The following SYT1 variants were observed in gnomAD, a reference collection of about 807,000 sequenced individuals.
The protein encoded by SYT1 is synaptotagmin 1.
Under a neutral mutation model 44.8 loss-of-function variants are expected in SYT1, and 8 were observed. The observed-to-expected ratio is 0.18, with a 90% CI of 0.10 to 0.32. SYT1 has a LOEUF of 0.32. Among genes scored for constraint, SYT1 ranks in the 10% least tolerant of loss-of-function variants. The pLI, the probability that SYT1 is intolerant of heterozygous loss-of-function variation, is 1.00. For synonymous variants in SYT1, 154 were observed against 188.8 expected, an observed-to-expected ratio of 0.82 and a Z score of 1.51; for missense variants, 286 against 509.3, an observed-to-expected ratio of 0.56 and a Z score of 4.22.
intron 4 of SYT1, among the ~76,000 whole-genome samples, chr12:79,266,556 A>G (rs535094280): frequency 6.6e-6 from 1 of 152,312 alleles, no homozygotes; most frequent in African/African-American, 2.4e-5. Context: ...TATGATGGTA[A>G]AAGAAAAAAA....
At chr12:78,904,170 C>A (rs1247462527) in intron 1 of SYT1, among the ~76,000 whole-genome samples, 1 of 152,002 alleles carries the variant, frequency 6.6e-6, no homozygotes, top group Non-Finnish European at 1.5e-5. Context: ...AAACTGGAAA[C>A]ACTAGTGTGT....
At chr12:78,913,050 A>G (rs879053097) in intron 1 of SYT1, among the ~76,000 whole-genome samples, 2 of 151,916 alleles carry the variant, frequency 1.3e-5, no homozygotes, top group African/African-American at 4.8e-5. Flanking sequence ...TTACCTAAAT[A>G]GAACATTTCA....
chr12:79,311,148 G>C (rs1880763521), intron 8 of SYT1, among the ~76,000 whole-genome samples: 1 of 152,144 alleles, frequency 6.6e-6, no homozygotes, highest in Admixed American at 6.5e-5. Flanking sequence ...ATTGGCTGTG[G>C]GTTTGTCATA....
intron 1 of SYT1, among the ~76,000 whole-genome samples, chr12:78,921,414 T>C (rs1018020570): frequency 3.3e-5 from 5 of 152,012 alleles, no homozygotes; most frequent in African/African-American, 1.2e-4. Context: ...ATGCTAGTTA[T>C]TATTTTTAAA....
At chr12:79,364,501 G>A (rs971424918) in intron 9 of SYT1, among the ~76,000 whole-genome samples, 23 of 152,090 alleles carry the variant, frequency 1.5e-4, no homozygotes, top group African/African-American at 5.3e-4. Flanking sequence ...CCGGCTGACA[G>A]CCTTTTTAAA....
intron 4 of SYT1, among the ~76,000 whole-genome samples, chr12:79,253,477 T>C (rs1012425418): frequency 3.9e-5 from 5 of 127,002 alleles, no homozygotes; most frequent in Non-Finnish European, 6.6e-5. Flanking sequence ...CAAAAGCCAT[T>C]GCCCAGTCTC....
chr12:79,442,949 A>G (rs1432324678), intron 9 of SYT1, among the ~76,000 whole-genome samples: 1 of 152,206 alleles, frequency 6.6e-6, no homozygotes, highest in Non-Finnish European at 1.5e-5. Flanking sequence ...TATAATGAAC[A>G]TGCATTACAA....
chr12:79,210,612 C>T (rs1874382019), intron 3 of SYT1, among the ~76,000 whole-genome samples: 1 of 152,176 alleles, frequency 6.6e-6, no homozygotes. Context: ...TATTCCATTG[C>T]ATAAATATAC....
At chr12:79,181,720 C>A (rs1592830217) in intron 3 of SYT1, among the ~76,000 whole-genome samples, 1 of 152,060 alleles carries the variant, frequency 6.6e-6, no homozygotes, top group Non-Finnish European at 1.5e-5. Context: ...ACTCAGTACT[C>A]CTGCTGCTCC....
At chr12:79,228,418 T>G (rs2138606294) in intron 4 of SYT1, among the ~76,000 whole-genome samples, 1 of 152,316 alleles carries the variant, frequency 6.6e-6, no homozygotes, top group South Asian at 2.1e-4. Context: ...CGAGGGTTAT[T>G]ACAAATATTC....
chr12:79,052,676 C>A (rs1874599915), intron 3 of SYT1, among the ~76,000 whole-genome samples: 1 of 150,226 alleles, frequency 6.7e-6, no homozygotes, highest in African/African-American at 2.4e-5. Flanking sequence ...AACAAACAAC[C>A]CCATCAAAAA....
intron 3 of SYT1, among the ~76,000 whole-genome samples, chr12:79,155,871 C>A (rs1284823449): frequency 6.6e-6 from 1 of 152,188 alleles, no homozygotes; most frequent in African/African-American, 2.4e-5. Flanking sequence ...ATACTTTCAA[C>A]CAACCAACGT....
intron 3 of SYT1, among the ~76,000 whole-genome samples, chr12:79,067,502 A>T (rs139598895): frequency 3.5e-3 from 526 of 152,278 alleles, no homozygotes; most frequent in Admixed American, 7.1e-3. Context: ...TTAACATTTA[A>T]GATGCTTTAC....
At chr12:79,151,031 G>A (rs181643478) in intron 3 of SYT1, among the ~76,000 whole-genome samples, 1 of 152,276 alleles carries the variant, frequency 6.6e-6, no homozygotes, top group Admixed American at 6.5e-5. Context: ...TAGTTTGTCA[G>A]GACCGTAAGA....
intron 3 of SYT1, chr12:79,103,067 A>C (rs779484306): frequency 6.6e-6 from 1 of 152,184 alleles, no homozygotes; most frequent in Non-Finnish European, 1.5e-5. Flanking sequence ...TAAGTATTCA[A>C]ATTGGATTTC....
At chr12:78,876,734 A>C (rs1874111248) in intron 1 of SYT1, among the ~76,000 whole-genome samples, 1 of 94,278 alleles carries the variant, frequency 1.1e-5, no homozygotes, top group South Asian at 3.2e-4. Flanking sequence ...ATAATTATAT[A>C]TTATATATTA....
At chr12:79,114,237 G>A (rs1423843199) in intron 3 of SYT1, among the ~76,000 whole-genome samples, 4 of 152,170 alleles carry the variant, frequency 2.6e-5, no homozygotes. Flanking sequence ...GGAGAGCACG[G>A]CTTTATGGGG....
chr12:79,259,438 A>T (rs1408200018), intron 4 of SYT1, among the ~76,000 whole-genome samples: 2 of 152,242 alleles, frequency 1.3e-5, no homozygotes, highest in African/African-American at 4.8e-5. Context: ...CAAGATAATG[A>T]CAAAAGAAAA....
In SYT1 at chr12:79,135,076, T is replaced by C. The variant is rs185987167; in HGVS notation, c.-17-82427T>C. On this transcript the variant is annotated intron_variant, in intron 3 of 10. Transcript: ENST00000261205. ...TTCACTATATATGTGTACTAAAATA[T>C]CATGTTGTACACATTAAGTGCATAT... Among the ~76,000 whole-genome samples the C allele has an allele frequency of 1.3e-4, 20 of 152,220 alleles. No individual in the cohort carries two copies. The East Asian group carries it at 3.7e-3, about 28-fold the overall frequency.
Sources: allele counts gnomAD v4.1 joint callset (sites outside exome capture counted in the v4.1 genomes callset), GRCh38; gene constraint gnomAD v4.1.1; transcripts MANE v1.5; gene names NCBI Gene and HGNC (gene_info 2026-07-23, HGNC 2026-07-21).